RBM27: variants seen among roughly 807,000 people sequenced by gnomAD.
RBM27 encodes the protein RNA binding motif protein 27.
A neutral mutation model predicts 135.3 loss-of-function variants in RBM27; 22 were observed. The ratio of observed to expected loss-of-function variants is 0.16; its 90% CI spans 0.12 to 0.23. RBM27 has a LOEUF of 0.23. RBM27 is among the 10% of genes least tolerant of loss of function. The pLI is 1.00. For missense variants in RBM27, 1,009 were observed against 1,281.0 expected (o/e 0.79, Z 3.24); for synonymous variants, 481 against 442.4 (o/e 1.09, Z -1.10).
chr5:146,235,431 A>G (rs1480616413), intron 7 of RBM27, among the ~76,000 whole-genome samples: 2 of 151,988 alleles, frequency 1.3e-5, no homozygotes, highest in Non-Finnish European at 2.9e-5. Context: ...CGGGGGGTGC[A>G]TGTAGTCCCT....
chr5:146,265,913 G>A (rs1758593314), intron 14 of RBM27, among the ~76,000 whole-genome samples: 1 of 152,014 alleles, frequency 6.6e-6, no homozygotes, highest in African/African-American at 2.4e-5. Flanking sequence ...ATTAACTCAG[G>A]TTGTATTTTA....
At chr5:146,273,855 A>G (rs894627222) in intron 19 of RBM27, among the ~76,000 whole-genome samples, 9 of 152,234 alleles carry the variant, frequency 5.9e-5, no homozygotes, top group South Asian at 2.1e-4. Context: ...TTGCTCTTCA[A>G]TAGTCTAAGA....
chr5:146,279,469 A>AAC (rs1025029230), intron 19 of RBM27, among the ~76,000 whole-genome samples: 3 of 150,914 alleles, frequency 2.0e-5, no homozygotes, highest in African/African-American at 7.3e-5. Flanking sequence ...ACAAAAAAAA[A>AAC]ACAAAACTTT....
At chr5:146,278,513 A>G (rs1759188006) in intron 19 of RBM27, among the ~76,000 whole-genome samples, 2 of 152,066 alleles carry the variant, frequency 1.3e-5, no homozygotes, top group Admixed American at 6.6e-5. Context: ...CTCTATATAT[A>G]TTATTTGTTC....
chr5:146,275,265 T>A (rs1581238354), intron 19 of RBM27, among the ~76,000 whole-genome samples: 2 of 151,876 alleles, frequency 1.3e-5, no homozygotes, highest in Admixed American at 6.6e-5. Context: ...AATTTTAATT[T>A]TTTTTTATTT....
chr5:146,244,048 C>A (rs1043624062), intron 8 of RBM27, among the ~76,000 whole-genome samples: 6 of 151,838 alleles, frequency 4.0e-5, no homozygotes, highest in Non-Finnish European at 8.8e-5. Context: ...TAAAAAAAAA[C>A]CCCAGGTAAC....
intron 1 of RBM27, among the ~76,000 whole-genome samples, chr5:146,213,671 C>T (rs1561523518): frequency 6.6e-6 from 1 of 152,036 alleles, no homozygotes; most frequent in Admixed American, 6.6e-5. Flanking sequence ...AGGTGTAGGA[C>T]CTTACTCTTT....
intron 8 of RBM27, chr5:146,245,172 AT>A (rs1168474405): frequency 0.013 from 1,806 of 142,816 alleles, 7 homozygotes; most frequent in African/African-American, 0.015. Context: ...TGGACCCCTA[AT>A]TTTTTTTTTT....
At chr5:146,220,418 T>C (rs1229619805) in intron 2 of RBM27, among the ~76,000 whole-genome samples, 1 of 147,104 alleles carries the variant, frequency 6.8e-6, no homozygotes, top group Admixed American at 6.9e-5. Context: ...GAGGTTGCAG[T>C]GAGCCAAGAT....
At chr5:146,254,193 A>C (rs373351413) in intron 9 of RBM27, among the ~76,000 whole-genome samples, 56 of 152,296 alleles carry the variant, frequency 3.7e-4, no homozygotes, top group African/African-American at 1.3e-3. Context: ...AGTGACTCAC[A>C]CCTGTAATGC....
chr5:146,229,231 G>C (rs978849443), intron 4 of RBM27, among the ~76,000 whole-genome samples, 194 bp downstream of exon 4: 2 of 151,946 alleles, frequency 1.3e-5, no homozygotes, highest in Non-Finnish European at 2.9e-5. Context: ...TTTATAAACA[G>C]TCATTATTAT....
rs1758411481 is a variant in RBM27, at chr5:146,261,810, A to G, written c.2190+4A>G. ...AGTGCACGGAGGTATCCAGAAGGTA[A>G]TCTGGTTCACTGGGAATTAAAGGTC... On this transcript the variant is annotated splice_donor_region_variant and intron_variant, in intron 13 of 20. Transcript: ENST00000265271. 1 of 1,613,842 alleles carries G rather than the reference A, an allele frequency of 6.2e-7. No homozygotes were observed. The highest frequency in any genetic ancestry group is 1.7e-5 in the Admixed American group (1 of 60,004).
intron 2 of RBM27, among the ~76,000 whole-genome samples, chr5:146,220,497 T>A (rs1203002071): frequency 3.4e-5 from 5 of 147,298 alleles, no homozygotes; most frequent in African/African-American, 9.9e-5. Context: ...AAAATATATA[T>A]ATATATATAT....
At chr5:146,207,070 A>G (rs922548137) in intron 1 of RBM27, among the ~76,000 whole-genome samples, 1 of 152,180 alleles carries the variant, frequency 6.6e-6, no homozygotes, top group Non-Finnish European at 1.5e-5. Context: ...TTGTAAATTT[A>G]CTTTTTTGCA....
intron 19 of RBM27, among the ~76,000 whole-genome samples, chr5:146,279,281 C>G (rs1001111864): frequency 6.6e-6 from 1 of 151,130 alleles, no homozygotes; most frequent in Admixed American, 6.6e-5. Flanking sequence ...AACCCCATCT[C>G]TACTAAGAAT....
At chr5:146,283,153 G>A (rs1158478246) in intron 19 of RBM27, among the ~76,000 whole-genome samples, 1 of 152,138 alleles carries the variant, frequency 6.6e-6, no homozygotes, top group Non-Finnish European at 1.5e-5. Flanking sequence ...AACAAAACAA[G>A]CAGGGAAAGC....
chr5:146,271,394 C>G, intron 18 of RBM27, 89 bp from the exon 19 acceptor site: 1 of 1,213,792 alleles, frequency 8.2e-7, no homozygotes, highest in South Asian at 1.6e-5. Flanking sequence ...GAGTGAAATT[C>G]CATCTCAAAA....
chr5:146,286,777 T>C lies in RBM27; in HGVS notation c.*747T>C, dbSNP rs1759602153. The C allele has an allele frequency of 1.3e-5, 2 of 152,126 alleles. No individual in the cohort carries two copies. The highest frequency in any genetic ancestry group is 2.4e-5 in the African/African-American group (1 of 41,426). 9.4% of individuals were successfully genotyped at this position (152,126 alleles called of 1,614,324 possible). A position where few individuals can be genotyped will look rare whatever the true frequency, so the allele number is the denominator to read the frequency against. ...AGTGAGCGCTGGTTCGGCTGGTCTT[T>C]TTAAAAATTTTTATAACTCAGAATG... On this transcript the variant is annotated 3_prime_UTR_variant, in exon 21 of 21. Transcript: ENST00000265271.
intron 1 of RBM27, among the ~76,000 whole-genome samples, chr5:146,218,774 G>A (rs1756320987): frequency 6.6e-6 from 1 of 152,150 alleles, no homozygotes. Flanking sequence ...CTCAAAAATA[G>A]AAGACATACT....
Sources: gnomAD v4.1 joint callset for allele counts (sites outside exome capture counted in the v4.1 genomes callset) on GRCh38, gnomAD v4.1.1 for gene constraint, MANE v1.5 for transcripts, NCBI Gene and HGNC (gene_info 2026-07-23, HGNC 2026-07-21) for gene names.